The following TNIP1 variants were observed in gnomAD, a reference collection of about 807,000 sequenced individuals.
TNIP1 encodes TNFAIP3 interacting protein 1.
TNIP1 carries 22 observed loss-of-function variants against 86.6 expected under a neutral mutation model. The ratio of observed to expected loss-of-function variants is 0.25; its 90% CI spans 0.18 to 0.36. TNIP1 has a LOEUF of 0.36. Ranked by LOEUF, TNIP1 falls within the 10% of genes least tolerant of loss-of-function variation. TNIP1 has a pLI of 1.00. For synonymous variants in TNIP1, 294 were observed against 313.0 expected (o/e 0.94, Z 0.64); for missense variants, 709 against 820.6 (o/e 0.86, Z 1.66).
intron 2 of TNIP1, among the ~76,000 whole-genome samples, chr5:151,064,093 C>A (rs1027393276): frequency 1.3e-5 from 2 of 152,230 alleles, no homozygotes; most frequent in African/African-American, 2.4e-5. Context: ...CCCCACCCTA[C>A]GGGCTACCCA....
intron 1 of TNIP1, among the ~76,000 whole-genome samples, chr5:151,069,327 G>T (rs1451474603): frequency 6.6e-6 from 1 of 152,196 alleles, no homozygotes; most frequent in African/African-American, 2.4e-5. Context: ...GTAGGGGGGT[G>T]GTCCCAGACC....
intron 1 of TNIP1, among the ~76,000 whole-genome samples, chr5:151,086,172 G>C (rs942564331): frequency 6.6e-6 from 1 of 152,200 alleles, no homozygotes; most frequent in Non-Finnish European, 1.5e-5. Context: ...GGATACAGGA[G>C]TGGACCAATC....
In TNIP1 at chr5:151,030,692, G is replaced by C. The variant is rs764722764; in HGVS notation, c.*21C>G. On this transcript the variant is annotated 3_prime_UTR_variant, in exon 18 of 18. Transcript: ENST00000521591. ...GCTGGCTCTGCAAGATGAAGGTGGAGCCAAATGACACAATCTGGTCTCACT... is the reference window on the plus strand; with the variant it reads ...GCTGGCTCTGCAAGATGAAGGTGGACCCAAATGACACAATCTGGTCTCACT... 3.3e-5 allele frequency: 54 copies of C among 1,614,038 alleles called. No individual in the cohort carries two copies. Among genetic ancestry groups the C allele is most frequent in the Non-Finnish European group, 4.5e-5 (53 of 1,180,002 alleles).
chr5:151,064,243 A>G (rs141398597), intron 2 of TNIP1, among the ~76,000 whole-genome samples: 11 of 152,342 alleles, frequency 7.2e-5, no homozygotes, highest in Admixed American at 1.3e-4. Context: ...CGGCCATCCC[A>G]AGCAAGGATC....
In TNIP1 at chr5:151,042,490, C is replaced by T. The variant is rs143208170; in HGVS notation, c.1134+50G>A. On this transcript the variant is annotated intron_variant, in intron 11 of 17. Transcript: ENST00000521591. ...GGCTTGTTTGCTCCACAGAACTCTC[C>T]GCTAATGTGGAGGGGAACTGACTCT... is the stretch of plus-strand genomic sequence containing the variant. 56 of 1,592,386 alleles carry T rather than the reference C, an allele frequency of 3.5e-5. 1 individual carries two copies. The highest frequency in any genetic ancestry group is 1.7e-4 in the Admixed American group (10 of 59,688).
At chr5:151,086,494 C>A (rs1207220976) in intron 1 of TNIP1, among the ~76,000 whole-genome samples, 1 of 152,170 alleles carries the variant, frequency 6.6e-6, no homozygotes, top group Non-Finnish European at 1.5e-5. Flanking sequence ...GGAGGCAGCG[C>A]CGATTCTTGG....
rs567565727 is a variant in TNIP1 at position 151,060,440 on chromosome 5, C to T, written c.358-45G>A. The T allele has an allele frequency of 4.5e-5, 71 of 1,586,614 alleles. No individual in the cohort carries two copies. The South Asian group carries it at 7.3e-4, about 16-fold the overall frequency. ...GGTGCTGCCCGAGAGAAAAACAGCT[C>T]ACCCCTCCTCTGCGGCCCTGTGGCT... On this transcript the variant is annotated intron_variant, in intron 4 of 17. Coordinates refer to ENST00000521591, the MANE Select transcript of TNIP1 (RefSeq NM_006058.5).
At chr5:151,053,662 G>A (rs1367518265) in intron 6 of TNIP1, among the ~76,000 whole-genome samples, 1 of 152,228 alleles carries the variant, frequency 6.6e-6, no homozygotes, top group South Asian at 2.1e-4. Context: ...TCTTTCCACA[G>A]ATCCTCACTG....
At chr5:151,071,970 A>G (rs754016950) in intron 1 of TNIP1, among the ~76,000 whole-genome samples, 17 of 152,218 alleles carry the variant, frequency 1.1e-4, no homozygotes, top group Admixed American at 4.6e-4. Flanking sequence ...GGGCCGCATC[A>G]TGACGCACAT....
chr5:151,033,850 C>A (rs371379662), intron 15 of TNIP1, 51 bp from the exon 16 acceptor site: 1 of 1,347,154 alleles, frequency 7.4e-7, no homozygotes. Flanking sequence ...CTGCAAAGGA[C>A]ACCCATCTCA....
chr5:151,074,372 A>G (rs1763150299), intron 1 of TNIP1, among the ~76,000 whole-genome samples: 1 of 152,232 alleles, frequency 6.6e-6, no homozygotes, highest in Admixed American at 6.5e-5. Context: ...CCCTGCCTCC[A>G]AGAGGTAAGA....
chr5:151,061,480 A>AT (rs5872187), intron 4 of TNIP1, among the ~76,000 whole-genome samples: 41,159 of 146,230 alleles, frequency 0.28, 5,707 homozygotes, highest in African/African-American at 0.34. Context: ...AAATCTGTAG[A>AT]TTTTTTTTTT....
chr5:151,053,021 G>T (rs1760152250), intron 6 of TNIP1, among the ~76,000 whole-genome samples: 1 of 151,894 alleles, frequency 6.6e-6, no homozygotes, highest in South Asian at 2.1e-4. Flanking sequence ...ATTCAGTCGG[G>T]ACCTCACTAT....
At chr5:151,053,510 T>C (rs949078579) in intron 6 of TNIP1, among the ~76,000 whole-genome samples, 78 of 152,182 alleles carry the variant, frequency 5.1e-4, no homozygotes, top group African/African-American at 1.9e-3. Flanking sequence ...GTCACTTGCT[T>C]ATGTGCGGGG....
intron 2 of TNIP1, among the ~76,000 whole-genome samples, chr5:151,064,000 C>G (rs1319008449): frequency 6.6e-6 from 1 of 152,148 alleles, no homozygotes; most frequent in South Asian, 2.1e-4. Flanking sequence ...AGAAACTCCT[C>G]GGCTCCCCCA....
intron 1 of TNIP1, among the ~76,000 whole-genome samples, chr5:151,086,315 G>A (rs1045144380): frequency 1.3e-5 from 2 of 152,288 alleles, no homozygotes; most frequent in East Asian, 1.9e-4. Flanking sequence ...AGGAAGCTGC[G>A]TCAGCTGTGT....
Position 151,057,851 on chromosome 5 carries a change from A to C in TNIP1, c.436-894T>G, listed in dbSNP as rs186646882. ...TCGTAAGTAATCTAGAGATGATTTA[A>C]AGTATATAGGAGGATGTGTATAGGT... is the stretch of plus-strand genomic sequence containing the variant. On this transcript the variant is annotated intron_variant, in intron 5 of 17. Transcript: ENST00000521591. Among the ~76,000 whole-genome samples the C allele has an allele frequency of 1.0e-3, 154 of 152,304 alleles. 2 individuals are homozygous for C. Among genetic ancestry groups the C allele is most frequent in the African/African-American group, 3.6e-3 (150 of 41,556 alleles).
chr5:151,036,084 A>C (rs1244609757), intron 13 of TNIP1, among the ~76,000 whole-genome samples: 1 of 152,142 alleles, frequency 6.6e-6, no homozygotes, highest in African/African-American at 2.4e-5. Context: ...GAGACCCTAC[A>C]AACTCCGCTA....
At position 151,062,232 on chromosome 5, in the gene TNIP1, C is replaced by T. The variant is rs1350275181; in HGVS notation, c.272-20G>A. On this transcript the variant is annotated intron_variant, in intron 3 of 17. Coordinates refer to ENST00000521591, the MANE Select transcript of TNIP1 (RefSeq NM_006058.5). The stretch of plus-strand genomic sequence containing the variant: ...CCTTTCCTGGAGAATCAAGAAAGCA[C>T]AGATGAACTGACTGGGAAGGGGAGA... The T allele has an allele frequency of 1.2e-6, 2 of 1,611,108 alleles. No individual in the cohort carries two copies. The highest frequency in any genetic ancestry group is 3.3e-5 in the Admixed American group (2 of 60,008).
Sources: gnomAD v4.1 joint callset for allele counts (sites outside exome capture counted in the v4.1 genomes callset) on GRCh38, gnomAD v4.1.1 for gene constraint, MANE v1.5 for transcripts, NCBI Gene and HGNC (gene_info 2026-07-23, HGNC 2026-07-21) for gene names.